LSS: variants seen among roughly 807,000 people sequenced by gnomAD.
LSS encodes the protein lanosterol synthase, also known as 2,3-epoxysqualene-lanosterol cyclase.
LSS carries 90 observed loss-of-function variants against 110.3 expected under a neutral mutation model. That is an observed-to-expected ratio of 0.82 (90% CI 0.69 to 0.97). The LOEUF (loss-of-function observed/expected upper bound fraction) is 0.97. LSS is among the 50% of genes least tolerant of loss of function. LSS has a pLI of 0.00. For missense variants in LSS, 927 were observed against 990.0 expected, an observed-to-expected ratio of 0.94 and a Z score of 0.85; for synonymous variants, 433 against 400.0, an observed-to-expected ratio of 1.08 and a Z score of -0.98.
Position 46,209,804 on chromosome 21 carries a change from A to C in LSS, c.1195-179T>G, listed in dbSNP as rs1457513739. Among the ~76,000 whole-genome samples, 1 of 152,166 alleles carries C rather than the reference A, an allele frequency of 6.6e-6. No homozygotes were observed. Among genetic ancestry groups the C allele is most frequent in the African/African-American group, 2.4e-5 (1 of 41,432 alleles). On this transcript the variant is annotated intron_variant, in intron 12 of 21. Transcript: ENST00000397728. This position sits in a 1 kb window ranked among gnomAD's most constrained non-coding sequence, Gnocchi z 4.4. ...CACTTACCTTTAAAGACAAAACAGC[A>C]AAAGTCCATGAGATATGACTGAAGA...
chr21:46,216,421 CGG>C lies in LSS; in HGVS notation c.749_750del (p.Ala250GlyfsTer22). 1 of 1,613,836 alleles carries C rather than the reference CGG, an allele frequency of 6.2e-7. No individual in the cohort carries two copies. Among genetic ancestry groups the C allele is most frequent in the Middle Eastern group, 1.7e-4 (1 of 6,058 alleles). On this transcript the variant is annotated frameshift_variant, in exon 7 of 22. Coordinates refer to ENST00000397728, the MANE Select transcript of LSS (RefSeq NM_002340.6). LOFTEE classifies it high-confidence loss of function. This position sits in a 1 kb window ranked among gnomAD's most constrained non-coding sequence, Gnocchi z 4.2. ...MSYCYAVRLS[A>X]AEDPLVQSLR... The stretch of plus-strand genomic sequence containing the variant: ...AGGCTCTGGACCAGCGGGTCTTCCG[CGG>C]CACTCAGCCGAACGGCGTAGCAGTA...
chr21:46,215,207 T>C lies in LSS; in HGVS notation c.984A>G (p.Arg328=). ...KLYEHIVADD[R]FTKSISIGPI... Reference sequence around the variant, plus strand: ...GGCCGATGCTGATGCTCTTGGTGAATCGGTCGTCGGCCACAATGTGTTCAT... The same window carrying C: ...GGCCGATGCTGATGCTCTTGGTGAACCGGTCGTCGGCCACAATGTGTTCAT... The change falls in exon 9 of 22, where the codon CGA becomes CGG. Residue 328 remains arginine, a synonymous_variant. Coordinates refer to ENST00000397728, the MANE Select transcript of LSS (RefSeq NM_002340.6). 1 of 1,610,812 alleles carries C rather than the reference T, an allele frequency of 6.2e-7. No individual in the cohort carries two copies.
rs1241173948 is a variant in LSS at position 46,228,556 on chromosome 21, T to TGGCGGGCTCGGTCTTGTAGG, written c.38_57dup (p.Thr20ProfsTer66). The TGGCGGGCTCGGTCTTGTAGG allele has an allele frequency of 6.3e-7, 1 of 1,596,142 alleles. No individual in the cohort carries two copies. Among genetic ancestry groups the TGGCGGGCTCGGTCTTGTAGG allele is most frequent in the Admixed American group, 1.7e-5 (1 of 59,630 alleles). On this transcript the variant is annotated frameshift_variant, in exon 2 of 22. Coordinates refer to ENST00000397728, the MANE Select transcript of LSS (RefSeq NM_002340.6). LOFTEE classifies it high-confidence loss of function. Reference sequence around the variant, plus strand: ...TTGAGTCGCCAGCGGCCGAGGTCGGTGGCGGGCTCGGTCTTGTAGGGGCCC... The same window carrying TGGCGGGCTCGGTCTTGTAGG: ...TTGAGTCGCCAGCGGCCGAGGTCGGTGGCGGGCTCGGTCTTGTAGGGGCGGGCTCGGTCTTGTAGGGGCCC...
In LSS at chr21:46,196,238, C is replaced by T. The variant is rs552411761; in HGVS notation, c.1700G>A (p.Cys567Tyr). Reference sequence around the variant, plus strand: ...GCCATCGGCCCTCTGCTGCCGCCGACAGAACTCTAAGCCCTGCGTGAGGGT... The same window carrying T: ...GCCATCGGCCCTCTGCTGCCGCCGATAGAACTCTAAGCCCTGCGTGAGGGT... ...RETLTQGLEF[C>Y]RRQQRADGSW... Residue 567 changes from cysteine (C) to tyrosine (Y), a missense_variant, in exon 18 of 22, where the codon TGT becomes TAT. By Grantham distance (194) the Cys-to-Tyr change is radical. Transcript: ENST00000397728. 3 of 1,614,174 alleles carry T rather than the reference C, an allele frequency of 1.9e-6. No homozygotes were observed. The highest frequency in any genetic ancestry group is 2.2e-5 in the South Asian group (2 of 91,088).
Position 46,215,750 on chromosome 21 carries a change from TGC to T in LSS, c.825_826del (p.Gln276GlufsTer28), listed in dbSNP as rs1183391873. The T allele has an allele frequency of 6.2e-7, 1 of 1,612,656 alleles. No homozygotes were observed. Among genetic ancestry groups the T allele is most frequent in the Non-Finnish European group, 8.5e-7 (1 of 1,179,434 alleles). On this transcript the variant is annotated frameshift_variant, in exon 8 of 22. Transcript: ENST00000397728. ...CTCGTCGGGGGCCACGTTGTTCCTCTGCGCCAGCCAGTCAATGCTGGCGAAGT... is the reference window on the plus strand; with the variant it reads ...CTCGTCGGGGGCCACGTTGTTCCTCTGCCAGCCAGTCAATGCTGGCGAAGT...
intron 20 of LSS, chr21:46,193,668 GCA>G (rs2079862823): frequency 2.2e-6 from 1 of 451,262 alleles, no homozygotes; most frequent in African/African-American, 2.1e-5. Flanking sequence ...TCTGTGTGTG[GCA>G]CAGATGGGAT....
chr21:46,228,408 G>A (rs2080383779), intron 2 of LSS, 26 bp downstream of exon 2: 1 of 1,597,996 alleles, frequency 6.3e-7, no homozygotes, highest in Non-Finnish European at 8.5e-7. Context: ...TCCCGAGCTC[G>A]CTGACGCTCC....
intron 6 of LSS, among the ~76,000 whole-genome samples, chr21:46,218,139 AC>A (rs202056351): frequency 8.7e-6 from 1 of 114,682 alleles, no homozygotes; most frequent in African/African-American, 3.4e-5. Flanking sequence ...AACACAAGGG[AC>A]CCCCCCAGCC....
chr21:46,223,747 G>A (rs1470179555), intron 3 of LSS, among the ~76,000 whole-genome samples: 1 of 152,184 alleles, frequency 6.6e-6, no homozygotes. Context: ...ACATAGTGAG[G>A]TGTGACCAGA....
At position 46,222,695 on chromosome 21, in the gene LSS, G is replaced by A. The variant is rs11558754; in HGVS notation, c.363C>T (p.Ala121=). 252,558 of 1,613,614 alleles carry A rather than the reference G, an allele frequency of 0.16. 20,596 individuals are homozygous for A. Among genetic ancestry groups the A allele is most frequent in the Middle Eastern group, 0.18 (1,064 of 6,062 alleles). Residue 121 remains alanine, a synonymous_variant, in exon 4 of 22, where the codon GCC becomes GCT. Transcript: ENST00000397728. ...TCHVARIPLP[A]GYREEIVRYL... The stretch of plus-strand genomic sequence containing the variant: ...ACCGCACAATCTCTTCTCTGTATCC[G>A]GCTGGCAGAGGGATGCGTGCCACGT...
In LSS at chr21:46,191,892, C is replaced by A. The variant is rs773056571; in HGVS notation, c.2056G>T (p.Asp686Tyr). The A allele has an allele frequency of 1.2e-6, 2 of 1,613,084 alleles. No individual in the cohort carries two copies. Among genetic ancestry groups the A allele is most frequent in the African/African-American group, 1.3e-5 (1 of 74,918 alleles). Residue 686 changes from aspartate (D) to tyrosine (Y), a missense_variant, in exon 21 of 22, where the codon GAC (aspartate) becomes TAC (tyrosine). Physicochemically the swap from Asp to Tyr is radical, Grantham distance 160 (BLOSUM62 -3). Coordinates refer to ENST00000397728, the MANE Select transcript of LSS (RefSeq NM_002340.6). ...CCCTGGCGGCATACCTGCGGCCAGTCGCCATTGGGGAGCTGTTTCTCAAGT... is the reference window on the plus strand; with the variant it reads ...CCCTGGCGGCATACCTGCGGCCAGTAGCCATTGGGGAGCTGTTTCTCAAGT... Reference protein sequence around the residue: ...CLLEKQLPNGDWPQENIAGVF... With the variant: ...CLLEKQLPNGYWPQENIAGVF...
intron 9 of LSS, among the ~76,000 whole-genome samples, chr21:46,214,642 A>T (rs1601437837): frequency 1.3e-5 from 2 of 152,144 alleles, no homozygotes; most frequent in South Asian, 4.1e-4. Context: ...GCGGCCACGC[A>T]CCAGCACAGC....
At chr21:46,196,079 C>T in intron 18 of LSS, 123 bp downstream of exon 18, 3 of 991,010 alleles carry the variant, frequency 3.0e-6, no homozygotes, top group Non-Finnish European at 4.6e-6. Flanking sequence ...GGGCTGGCAG[C>T]TCACTTCCAG....
At chr21:46,213,491 C>CTGCT (rs907078086) in intron 10 of LSS, among the ~76,000 whole-genome samples, 5 of 152,208 alleles carry the variant, frequency 3.3e-5, no homozygotes, top group African/African-American at 9.6e-5. Context: ...TGAACCTGCC[C>CTGCT]TGCTACCTAC....
intron 20 of LSS, chr21:46,192,629 A>G (rs2079836966): frequency 2.7e-6 from 1 of 368,674 alleles, no homozygotes; most frequent in African/African-American, 2.4e-5. Flanking sequence ...CTGCGGGTGC[A>G]TCTGCATATG....
At chr21:46,212,789 A>T (rs2123735929) in intron 11 of LSS, among the ~76,000 whole-genome samples, 1 of 152,350 alleles carries the variant, frequency 6.6e-6, no homozygotes, top group African/African-American at 2.4e-5. Flanking sequence ...CACTCAGATC[A>T]TCAGGGCAAA....
At chr21:46,224,617 G>C (rs1002580821) in intron 3 of LSS, 2 of 152,160 alleles carry the variant, frequency 1.3e-5, no homozygotes, top group Non-Finnish European at 2.9e-5. Flanking sequence ...AATGTGCAGA[G>C]AGGAGCAGAG....
intron 14 of LSS, among the ~76,000 whole-genome samples, chr21:46,207,896 G>C (rs2080074853): frequency 6.6e-6 from 1 of 152,234 alleles, no homozygotes; most frequent in Non-Finnish European, 1.5e-5. Flanking sequence ...TAATTTCACA[G>C]TCTGCACCTG....
rs1285461764 is a variant in LSS at position 46,208,477 on chromosome 21, G to T, written c.1267-176C>A. Among the ~76,000 whole-genome samples, 3 of 152,332 alleles carry T rather than the reference G, an allele frequency of 2.0e-5. No homozygotes were observed. The East Asian group carries it at 5.8e-4, about 29-fold the overall frequency. On this transcript the variant is annotated intron_variant, in intron 13 of 21. Transcript: ENST00000397728. ...GCGAGGCGCGCGAGGGCCTGCACCT[G>T]TTTAGCTCACCACCCACAGCTGCTG...
Sources: allele counts gnomAD v4.1 joint callset (sites outside exome capture counted in the v4.1 genomes callset), GRCh38; gene constraint gnomAD v4.1.1; non-coding constraint Gnocchi (gnomAD v3.1); transcripts MANE v1.5; gene names NCBI Gene and HGNC (gene_info 2026-07-23, HGNC 2026-07-21).